The following PLEKHF1 variants were observed in gnomAD, a reference collection of about 807,000 sequenced individuals.
The protein encoded by PLEKHF1 is pleckstrin homology and FYVE domain containing 1, also known as pleckstrin homology domain-containing family F member 1.
PLEKHF1 carries 1 observed loss-of-function variant against 4.1 expected under a neutral mutation model. That is an observed-to-expected ratio of 0.24 (90% CI 0.09 to 1.15). The LOEUF (loss-of-function observed/expected upper bound fraction) is 1.15. Ranked by LOEUF, PLEKHF1 falls within the 50% of genes most tolerant of loss-of-function variation. The pLI is 0.52. For synonymous variants in PLEKHF1, 182 were observed against 178.5 expected (o/e 1.02, Z -0.16); for missense variants, 429 against 400.6 (o/e 1.07, Z -0.60).
Position 29,671,104 on chromosome 19 carries a change from C to CTT in PLEKHF1, c.-16-2708_-16-2707dup, listed in dbSNP as rs56717095. ...TTTTTTGTTTTGTTTTTTTCCCCTC[C>CTT]TTTTTTTTTTTTTGAGATGGAATCT... is the stretch of plus-strand genomic sequence containing the variant. On this transcript the variant is annotated intron_variant, in intron 1 of 1. Coordinates refer to ENST00000436066, the MANE Select transcript of PLEKHF1 (RefSeq NM_024310.5). This position sits in a 1 kb window ranked among gnomAD's most constrained non-coding sequence, Gnocchi z 4.0. Among the ~76,000 whole-genome samples the CTT allele has an allele frequency of 2.1e-5, 3 of 144,778 alleles. No individual in the cohort carries two copies. Among genetic ancestry groups the CTT allele is most frequent in the African/African-American group, 5.0e-5 (2 of 39,678 alleles). 95.0% of individuals were successfully genotyped at this position (144,778 alleles called of 152,430 possible).
At chr19:29,673,800 C>G (rs367627231) in intron 1 of PLEKHF1, 24 bp from the exon 2 acceptor site, 19 of 1,567,400 alleles carry the variant, frequency 1.2e-5, no homozygotes, top group Non-Finnish European at 1.6e-5. Context: ...CCTGGACATA[C>G]TCCTTGTCTG....
intron 1 of PLEKHF1, among the ~76,000 whole-genome samples, chr19:29,672,046 C>T (rs1445709754): frequency 6.6e-6 from 1 of 151,838 alleles, no homozygotes; most frequent in Non-Finnish European, 1.5e-5. Context: ...ATTGTGGACA[C>T]AATGAACAAG....
intron 1 of PLEKHF1, among the ~76,000 whole-genome samples, chr19:29,669,662 C>G (rs1252324014): frequency 6.6e-6 from 1 of 152,234 alleles, no homozygotes; most frequent in Non-Finnish European, 1.5e-5. Flanking sequence ...GAAGAAGCAA[C>G]ACGTGTTCCC....
chr19:29,667,675 A>T (rs1971584642), intron 1 of PLEKHF1, among the ~76,000 whole-genome samples: 1 of 144,698 alleles, frequency 6.9e-6, no homozygotes, highest in African/African-American at 2.8e-5. Context: ...CAGGGCTACC[A>T]TCTTGGGGCC....
intron 1 of PLEKHF1, among the ~76,000 whole-genome samples, chr19:29,667,764 T>C (rs1971585494): frequency 6.6e-6 from 1 of 152,210 alleles, no homozygotes; most frequent in Non-Finnish European, 1.5e-5. Context: ...GGACAGTACC[T>C]TGTGTGGCCT....
At position 29,674,768 on chromosome 19, in the gene PLEKHF1, G is replaced by T. The variant is rs1192921221; in HGVS notation, c.*89G>T. ...CTCCAGAAGCTGCCCAGGGCTCCGG[G>T]ACCCCATCCCATGGTGGCAGGTGCA... On this transcript the variant is annotated 3_prime_UTR_variant, in exon 2 of 2. Transcript: ENST00000436066. The T allele has an allele frequency of 2.7e-6, 4 of 1,476,570 alleles. No homozygotes were observed. The highest frequency in any genetic ancestry group is 3.6e-6 in the Non-Finnish European group (4 of 1,114,242). The allele number at this position is 1,476,570 out of a possible 1,614,324, so 91.5% of individuals were successfully genotyped here.
At chr19:29,673,686 C>T (rs960650016) in intron 1 of PLEKHF1, 138 bp from the exon 2 acceptor site, 7 of 1,141,246 alleles carry the variant, frequency 6.1e-6, no homozygotes, top group Middle Eastern at 2.5e-4. Flanking sequence ...CTTCTCAGTG[C>T]TGGGCAGGCC....
intron 1 of PLEKHF1, among the ~76,000 whole-genome samples, chr19:29,666,159 G>A (rs1261053978): frequency 2.0e-5 from 3 of 149,808 alleles, no homozygotes; most frequent in African/African-American, 7.6e-5. Flanking sequence ...TAGGGCAGAG[G>A]TGTGGTCAGC....
At chr19:29,666,931 G>A (rs1170578064) in intron 1 of PLEKHF1, 1 of 152,252 alleles carries the variant, frequency 6.6e-6, no homozygotes, top group Non-Finnish European at 1.5e-5. Flanking sequence ...AGAGCCCAGG[G>A]GCGGCCCCTC....
At chr19:29,673,652 T>A (rs1314749313) in intron 1 of PLEKHF1, among the ~76,000 whole-genome samples, 172 bp from the exon 2 acceptor site, 1 of 152,174 alleles carries the variant, frequency 6.6e-6, no homozygotes, top group Non-Finnish European at 1.5e-5. Context: ...TACTCCCGTC[T>A]AAGGGTCAGC....
Position 29,671,719 on chromosome 19 carries a change from G to A in PLEKHF1, c.-16-2105G>A, listed in dbSNP as rs1414409467. On this transcript the variant is annotated intron_variant, in intron 1 of 1. Coordinates refer to ENST00000436066, the MANE Select transcript of PLEKHF1 (RefSeq NM_024310.5). The surrounding 1 kb of genome is among the most constrained non-coding windows in gnomAD (Gnocchi z 4.0). ...TGTGATCTGCAGGGGCAAGTGGAAC[G>A]GGACTCGAGGGCCCAGCATCTTCTG... is the stretch of plus-strand genomic sequence containing the variant. Among the ~76,000 whole-genome samples, 5 of 152,156 alleles carry A rather than the reference G, an allele frequency of 3.3e-5. No individual in the cohort carries two copies. Among genetic ancestry groups the A allele is most frequent in the South Asian group, 2.1e-4 (1 of 4,826 alleles).
At chr19:29,665,642 C>G in intron 1 of PLEKHF1, 137 bp downstream of exon 1, 2 of 1,157,316 alleles carry the variant, frequency 1.7e-6, no homozygotes, top group Non-Finnish European at 2.2e-6. Context: ...CGGCGGGGCG[C>G]AGTGCCGCTG....
intron 1 of PLEKHF1, 137 bp downstream of exon 1, chr19:29,665,642 C>T (rs1214675444): frequency 8.6e-7 from 1 of 1,157,316 alleles, no homozygotes; most frequent in Non-Finnish European, 1.1e-6. Flanking sequence ...CGGCGGGGCG[C>T]AGTGCCGCTG....
At chr19:29,672,549 C>T (rs895495472) in intron 1 of PLEKHF1, among the ~76,000 whole-genome samples, 13 of 151,962 alleles carry the variant, frequency 8.6e-5, no homozygotes, top group African/African-American at 2.7e-4. Flanking sequence ...GATATGGTGG[C>T]GGAGTTATGT....
intron 1 of PLEKHF1, among the ~76,000 whole-genome samples, chr19:29,668,721 GA>G (rs113972567): frequency 1.8e-3 from 220 of 118,982 alleles, no homozygotes; most frequent in Admixed American, 2.0e-3. Flanking sequence ...CAATGTCTCA[GA>G]AAAAAAAAAA....
intron 1 of PLEKHF1, among the ~76,000 whole-genome samples, chr19:29,667,355 T>TGGTC (rs568245046): frequency 2.0e-5 from 3 of 152,214 alleles, no homozygotes; most frequent in Non-Finnish European, 4.4e-5. Context: ...CTGAAGGGCC[T>TGGTC]GGTCTCCAGC....
At position 29,672,365 on chromosome 19, in the gene PLEKHF1, G is replaced by A. The variant is rs752570786; in HGVS notation, c.-16-1459G>A. 3.9e-5 allele frequency among the ~76,000 whole-genome samples: 6 copies of A among 152,190 alleles called. No homozygotes were observed. In the South Asian group the frequency reaches 6.2e-4, roughly 16 times the overall value. ...CTTTAACAAAAGCAGGCTGAGGGCC[G>A]GATTTGACTCTCAGACCTTGGATTA... On this transcript the variant is annotated intron_variant, in intron 1 of 1. Transcript: ENST00000436066.
intron 1 of PLEKHF1, among the ~76,000 whole-genome samples, chr19:29,668,888 GCCCCTCGCCCAA>G (rs1179874771): frequency 2.0e-5 from 3 of 152,100 alleles, no homozygotes; most frequent in Non-Finnish European, 4.4e-5. Context: ...TGTCTGCCCC[GCCCCTCGCCCAA>G]CCTGGGACCC....
chr19:29,665,983 A>G (rs901131623), intron 1 of PLEKHF1, among the ~76,000 whole-genome samples: 2 of 151,522 alleles, frequency 1.3e-5, no homozygotes, highest in Non-Finnish European at 2.9e-5. Context: ...CTGGGGTCCC[A>G]GTTCCTCTGG....
Sources: gnomAD v4.1 joint callset for allele counts (sites outside exome capture counted in the v4.1 genomes callset) on GRCh38, gnomAD v4.1.1 for gene constraint, Gnocchi (gnomAD v3.1) non-coding constraint, MANE v1.5 for transcripts, NCBI Gene and HGNC (gene_info 2026-07-23, HGNC 2026-07-21) for gene names.